ANKRD62: variants seen among roughly 807,000 people sequenced by gnomAD.
ANKRD62 encodes ankyrin repeat domain 62.
Under a neutral mutation model 98.8 loss-of-function variants are expected in ANKRD62, and 61 were observed. The ratio of observed to expected loss-of-function variants is 0.62; its 90% CI spans 0.50 to 0.76. ANKRD62 has a LOEUF of 0.76. Among genes scored for constraint, ANKRD62 ranks in the 30% least tolerant of loss-of-function variants. The pLI, the probability that ANKRD62 is intolerant of heterozygous loss-of-function variation, is 0.00. For missense variants in ANKRD62, 933 were observed against 1,082.9 expected (o/e 0.86, Z 1.94); for synonymous variants, 341 against 367.9 (o/e 0.93, Z 0.84).
chr18:12,137,728 C>G, the ANKRD62 span, among the ~76,000 whole-genome samples: 3,600 of 152,208 alleles, frequency 0.024, 77 homozygotes, highest in South Asian at 0.032. Flanking sequence ...ATTTCAGAGC[C>G]TGCTATTGGT....
At chr18:12,100,665 T>A (rs1909281108) in intron 6 of ANKRD62, among the ~76,000 whole-genome samples, 1 of 152,008 alleles carries the variant, frequency 6.6e-6, no homozygotes, top group Admixed American at 6.6e-5. Flanking sequence ...AGTCAGAAAA[T>A]AAATTCCTTA....
chr18:12,096,364 C>T, intron 4 of ANKRD62, 62 bp downstream of exon 4: 1 of 881,092 alleles, frequency 1.1e-6, no homozygotes, highest in East Asian at 2.8e-5. Flanking sequence ...TGGTAACAGT[C>T]ACTTGTCAGA....
chr18:12,118,654 A>C (rs1454725555), intron 10 of ANKRD62, among the ~76,000 whole-genome samples: 2 of 150,680 alleles, frequency 1.3e-5, no homozygotes, highest in Admixed American at 1.3e-4. Context: ...TTTTAGGTTG[A>C]CTTGTTTGAC....
the ANKRD62 span, among the ~76,000 whole-genome samples, chr18:12,158,576 A>C: frequency 3.1e-4 from 47 of 151,708 alleles, 1 homozygote; most frequent in East Asian, 8.5e-3. Flanking sequence ...CCCTGGCTGG[A>C]GTGCAGTGGT....
At chr18:12,157,945 GAACA>G in the ANKRD62 span, among the ~76,000 whole-genome samples, 6 of 152,154 alleles carry the variant, frequency 3.9e-5, no homozygotes, top group Non-Finnish European at 5.9e-5. Flanking sequence ...TATGTTCTTG[GAACA>G]AACAAACAAA....
the ANKRD62 span, among the ~76,000 whole-genome samples, chr18:12,139,503 G>A: frequency 1.3e-4 from 20 of 152,114 alleles, no homozygotes; most frequent in African/African-American, 4.1e-4. Flanking sequence ...AAAATGAGCC[G>A]GACGTGGTGG....
intron 8 of ANKRD62, among the ~76,000 whole-genome samples, chr18:12,113,843 T>C (rs1292577899): frequency 6.6e-6 from 1 of 152,218 alleles, no homozygotes; most frequent in Non-Finnish European, 1.5e-5. Context: ...CACATGCATA[T>C]GTTCATTGCA....
the ANKRD62 span, among the ~76,000 whole-genome samples, chr18:12,170,853 C>G: frequency 2.1e-4 from 32 of 152,044 alleles, no homozygotes; most frequent in African/African-American, 2.7e-4. Flanking sequence ...GTTAGCTCTT[C>G]TTGTTGAATT....
the ANKRD62 span, among the ~76,000 whole-genome samples, chr18:12,171,292 T>C: frequency 3.6e-4 from 55 of 152,360 alleles, no homozygotes; most frequent in Admixed American, 3.3e-4. Context: ...TTCCTTTCCA[T>C]GTTTAGTGCT....
At chr18:12,105,440 C>T (rs1295516499) in intron 7 of ANKRD62, among the ~76,000 whole-genome samples, 5 of 152,178 alleles carry the variant, frequency 3.3e-5, no homozygotes, top group African/African-American at 1.2e-4. Flanking sequence ...TGGCTGCTTT[C>T]ATGGTCTGAT....
At chr18:12,152,064 T>C in the ANKRD62 span, among the ~76,000 whole-genome samples, 1 of 136,252 alleles carries the variant, frequency 7.3e-6, no homozygotes, top group African/African-American at 2.8e-5. Flanking sequence ...CAAAGTTGAA[T>C]AGGAATAAAT....
At chr18:12,115,033 TG>T (rs1909630855) in intron 8 of ANKRD62, 54 bp from the exon 9 acceptor site, 3 of 1,274,208 alleles carry the variant, frequency 2.4e-6, no homozygotes, top group Admixed American at 3.4e-5. Flanking sequence ...AGATATTCTT[TG>T]TATTTTACAT....
At chr18:12,170,809 T>G in the ANKRD62 span, among the ~76,000 whole-genome samples, 3 of 152,190 alleles carry the variant, frequency 2.0e-5, no homozygotes, top group Non-Finnish European at 4.4e-5. Context: ...TGAATCTGGG[T>G]GCTCTTGTAT....
At chr18:12,174,107 C>T in the ANKRD62 span, among the ~76,000 whole-genome samples, 1 of 152,136 alleles carries the variant, frequency 6.6e-6, no homozygotes, top group Non-Finnish European at 1.5e-5. Flanking sequence ...CTTCCATTCT[C>T]TTCATCTCTT....
intron 8 of ANKRD62, among the ~76,000 whole-genome samples, chr18:12,110,067 G>A (rs905765121): frequency 6.6e-6 from 1 of 151,666 alleles, no homozygotes; most frequent in African/African-American, 2.4e-5. Flanking sequence ...TGTATTTCCT[G>A]TTTAGAGGCA....
intron 7 of ANKRD62, among the ~76,000 whole-genome samples, chr18:12,103,935 T>G (rs1019102285): frequency 3.3e-5 from 5 of 152,146 alleles, no homozygotes; most frequent in African/African-American, 1.2e-4. Flanking sequence ...TATTACAGTA[T>G]ATAATTTGAA....
downstream of ANKRD62, among the ~76,000 whole-genome samples, chr18:12,133,217 A>T (rs1242465516): frequency 6.6e-6 from 1 of 152,174 alleles, no homozygotes; most frequent in African/African-American, 2.4e-5. Context: ...AATGTTTTCA[A>T]GGCTCATCTA....
chr18:12,101,775 G>GC (rs1353120746), intron 6 of ANKRD62, among the ~76,000 whole-genome samples: 1 of 152,162 alleles, frequency 6.6e-6, no homozygotes, highest in Non-Finnish European at 1.5e-5. Flanking sequence ...TTAACTCACC[G>GC]CAATACAAAA....
Position 12,125,710 on chromosome 18 carries a change from A to G in ANKRD62, c.1889A>G (p.Asp630Gly), listed in dbSNP as rs1909874808. The G allele has an allele frequency of 6.5e-7, 1 of 1,541,326 alleles. No homozygotes were observed. Among genetic ancestry groups the G allele is most frequent in the Non-Finnish European group, 8.7e-7 (1 of 1,146,902 alleles). Residue 630 changes from aspartate to glycine, a missense_variant, in exon 13 of 14, where the codon GAT (aspartate) becomes GGT (glycine). By Grantham distance (94) the Asp-to-Gly change is moderately conservative. Around this residue, in one of 3 missense-constraint regions of ANKRD62, gnomAD observed 362 missense variants for 434.5 expected, o/e 0.83. Transcript: ENST00000587848. The stretch of plus-strand genomic sequence containing the variant: ...AGTAAAGAGCTTAATGTTCTGATGG[A>G]TGAGAATACAATGCTCAATTCTGAG... The part of the protein sequence containing the change: ...RYSKELNVLM[D>G]ENTMLNSELQ...
Sources: allele counts gnomAD v4.1 joint callset (sites outside exome capture counted in the v4.1 genomes callset), GRCh38; gene constraint gnomAD v4.1.1; regional missense constraint gnomAD v4.1.1; transcripts MANE v1.5; gene names NCBI Gene and HGNC (gene_info 2026-07-23, HGNC 2026-07-21).